The following CAPRIN1 variants were observed in gnomAD, a reference collection of about 807,000 sequenced individuals.
The protein encoded by CAPRIN1 is cell cycle associated protein 1, also known as caprin-1.
A neutral mutation model predicts 100.9 loss-of-function variants in CAPRIN1; 29 were observed. The observed-to-expected ratio is 0.29, with a 90% CI of 0.21 to 0.39. CAPRIN1 has a LOEUF of 0.39. Among genes scored for constraint, CAPRIN1 ranks in the 10% least tolerant of loss-of-function variants. The probability of loss-of-function intolerance (pLI) is 1.00; values close to 1 mark genes in which losing one functional copy is unlikely to be tolerated. For missense variants in CAPRIN1, 795 were observed against 876.7 expected, an observed-to-expected ratio of 0.91 and a Z score of 1.18; for synonymous variants, 338 against 307.5, an observed-to-expected ratio of 1.10 and a Z score of -1.04.
intron 2 of CAPRIN1, among the ~76,000 whole-genome samples, chr11:34,055,012 G>T (rs898602037): frequency 6.6e-6 from 1 of 151,950 alleles, no homozygotes; most frequent in Non-Finnish European, 1.5e-5. Context: ...TTAGAATCTA[G>T]TGTTCAAGTA....
At chr11:34,061,933 AC>A (rs1434572138) in intron 2 of CAPRIN1, among the ~76,000 whole-genome samples, 1 of 147,364 alleles carries the variant, frequency 6.8e-6, no homozygotes, top group Non-Finnish European at 1.5e-5. Flanking sequence ...TCGCACCACT[AC>A]ACTCCAGCAT....
intron 7 of CAPRIN1, among the ~76,000 whole-genome samples, chr11:34,081,978 A>AT (rs1485315573): frequency 6.8e-6 from 1 of 146,736 alleles, no homozygotes. Context: ...TGTCTGGCTA[A>AT]TTTTTGTATT....
At chr11:34,096,193 C>T (rs766496751) in intron 15 of CAPRIN1, 16 of 233,792 alleles carry the variant, frequency 6.8e-5, no homozygotes, top group South Asian at 1.1e-4. Flanking sequence ...TTTCAGAAGA[C>T]GTTAATATAG....
rs751461312 is a variant in CAPRIN1 at position 34,065,866 on chromosome 11, CAG to C, written c.217-5859_217-5858del. On this transcript the variant is annotated intron_variant, in intron 2 of 18. Coordinates refer to ENST00000341394, the MANE Select transcript of CAPRIN1 (RefSeq NM_005898.5). ...TGCTTTCCTGAAGCTTAGGCAAGGA[CAG>C]GGGATAGGATATTTATAATAGTAGT... Among the ~76,000 whole-genome samples the C allele has an allele frequency of 1.5e-3, 229 of 152,254 alleles. 1 individual carries two copies. The highest frequency in any genetic ancestry group is 3.0e-3 in the Non-Finnish European group (204 of 68,026).
At chr11:34,068,171 A>G (rs1850736717) in intron 2 of CAPRIN1, among the ~76,000 whole-genome samples, 1 of 152,218 alleles carries the variant, frequency 6.6e-6, no homozygotes, top group Non-Finnish European at 1.5e-5. Context: ...CAGAAGCAAG[A>G]GGCCTTTCTT....
Position 34,100,798 on chromosome 11 carries a change from T to G in CAPRIN1, c.*1431T>G, listed in dbSNP as rs1851442880. On this transcript the variant is annotated 3_prime_UTR_variant, in exon 19 of 19. Coordinates refer to ENST00000341394, the MANE Select transcript of CAPRIN1 (RefSeq NM_005898.5). ...CTCTGTTGGAATTTGTGCTAGCAGT[T>G]TGAGCACTAGTTCTGTGTGCCTAGG... 1 of 152,646 alleles carries G rather than the reference T, an allele frequency of 6.6e-6. No homozygotes were observed. The highest frequency in any genetic ancestry group is 2.1e-4 in the South Asian group (1 of 4,834). The allele number at this position is 152,646 out of a possible 1,614,324, so 9.5% of individuals were successfully genotyped here. A position where few individuals can be genotyped will look rare whatever the true frequency, so the allele number is the denominator to read the frequency against.
chr11:34,093,501 G>A (rs773506596), intron 15 of CAPRIN1, among the ~76,000 whole-genome samples: 2 of 152,080 alleles, frequency 1.3e-5, no homozygotes, highest in African/African-American at 2.4e-5. Context: ...TTGTCAGCCC[G>A]ATTTTGAAAA....
At chr11:34,091,010 C>T (rs1388077495) in intron 14 of CAPRIN1, among the ~76,000 whole-genome samples, 1 of 151,982 alleles carries the variant, frequency 6.6e-6, no homozygotes, top group Non-Finnish European at 1.5e-5. Context: ...AATAGTTGCC[C>T]TGTTTGCTTA....
Position 34,100,106 on chromosome 11 carries a change from C to G in CAPRIN1, c.*739C>G, listed in dbSNP as rs1191472140. 1 of 152,590 alleles carries G rather than the reference C, an allele frequency of 6.6e-6. No homozygotes were observed. The highest frequency in any genetic ancestry group is 1.5e-5 in the Non-Finnish European group (1 of 68,032). 9.5% of individuals were successfully genotyped at this position (152,590 alleles called of 1,614,324 possible). A position where few individuals can be genotyped will look rare whatever the true frequency, so the allele number is the denominator to read the frequency against. On this transcript the variant is annotated 3_prime_UTR_variant, in exon 19 of 19. Coordinates refer to ENST00000341394, the MANE Select transcript of CAPRIN1 (RefSeq NM_005898.5). ...TGTAATCCGGATGGCCGCTTCTGTA[C>G]TTAATGTGAAATATTTAGATACCTT...
intron 4 of CAPRIN1, among the ~76,000 whole-genome samples, chr11:34,073,480 G>T (rs1313456426): frequency 6.6e-6 from 1 of 152,184 alleles, no homozygotes; most frequent in East Asian, 1.9e-4. Flanking sequence ...TTTTGAGACA[G>T]AGTCTTGCTC....
rs894345177 is a variant in CAPRIN1, at chr11:34,053,084, G to T, written c.216+448G>T. Reference sequence around the variant, plus strand: ...GCCTCGTGGAGTTGGGGCGGCCTGCGTCCTGCAGCCTTGGGGTCTGTCCGC... The same window carrying T: ...GCCTCGTGGAGTTGGGGCGGCCTGCTTCCTGCAGCCTTGGGGTCTGTCCGC... On this transcript the variant is annotated intron_variant, in intron 2 of 18. Coordinates refer to ENST00000341394, the MANE Select transcript of CAPRIN1 (RefSeq NM_005898.5). 4 of 1,025,104 alleles carry T rather than the reference G, an allele frequency of 3.9e-6. No individual in the cohort carries two copies. The African/African-American group carries it at 7.0e-5, about 18-fold the overall frequency. 63.5% of individuals were successfully genotyped at this position (1,025,104 alleles called of 1,614,324 possible).
At chr11:34,061,433 C>T (rs745808420) in intron 2 of CAPRIN1, among the ~76,000 whole-genome samples, 1 of 151,888 alleles carries the variant, frequency 6.6e-6, no homozygotes, top group South Asian at 2.1e-4. Flanking sequence ...GTCTCAAACT[C>T]CTGACCTCAG....
chr11:34,071,852 C>T (rs762916537), intron 3 of CAPRIN1, 49 bp from the exon 4 acceptor site: 1 of 1,582,676 alleles, frequency 6.3e-7, no homozygotes, highest in Admixed American at 1.7e-5. Flanking sequence ...AAAATTAATT[C>T]TGTGGTTTTT....
intron 2 of CAPRIN1, among the ~76,000 whole-genome samples, chr11:34,062,534 A>C (rs1850602598): frequency 6.6e-6 from 1 of 150,824 alleles, no homozygotes; most frequent in African/African-American, 2.4e-5. Flanking sequence ...CTGAGGCAGG[A>C]GAATGGCGTG....
At chr11:34,097,170 ATTTC>A (rs1245229440) in intron 16 of CAPRIN1, 22 bp from the exon 17 acceptor site, 4 of 1,487,532 alleles carry the variant, frequency 2.7e-6, no homozygotes, top group African/African-American at 2.8e-5. Flanking sequence ...TAAGAAAATT[ATTTC>A]TTTTCTTGTC....
chr11:34,055,125 T>G (rs139086450), intron 2 of CAPRIN1, among the ~76,000 whole-genome samples: 1 of 152,194 alleles, frequency 6.6e-6, no homozygotes, highest in South Asian at 2.1e-4. Flanking sequence ...TACTATACTC[T>G]GTCATACCCT....
intron 2 of CAPRIN1, among the ~76,000 whole-genome samples, chr11:34,054,842 TTAA>T (rs1272807349): frequency 2.6e-5 from 4 of 152,224 alleles, no homozygotes; most frequent in Admixed American, 6.5e-5. Context: ...ACATAAAATA[TTAA>T]TGATTGTGAA....
At position 34,096,494 on chromosome 11, in the gene CAPRIN1, A is replaced by G; in HGVS notation, c.1721A>G (p.His574Arg). 1 of 1,613,804 alleles carries G rather than the reference A, an allele frequency of 6.2e-7. No individual in the cohort carries two copies. The highest frequency in any genetic ancestry group is 8.5e-7 in the Non-Finnish European group (1 of 1,179,808). ...TAAATTATAGTGGTTGGCACTTACC[A>G]TGGTTCCCCAGACCAGTCCCATCAA... Reference protein sequence around the residue: ...EQLQTVVGTYHGSPDQSHQVT... With the variant: ...EQLQTVVGTYRGSPDQSHQVT... The change falls in exon 16 of 19, where the codon CAT (histidine) becomes CGT (arginine). Residue 574 changes from histidine (H) to arginine (R), a missense_variant. Physicochemically the swap from His to Arg is conservative, Grantham distance 29. Transcript: ENST00000341394.
chr11:34,098,464 A>G, intron 18 of CAPRIN1: 2 of 984,742 alleles, frequency 2.0e-6, no homozygotes, highest in Non-Finnish European at 2.4e-6. Context: ...CATTTCATGT[A>G]GTCTGAAATT....
Sources: gnomAD v4.1 joint callset for allele counts (sites outside exome capture counted in the v4.1 genomes callset) on GRCh38, gnomAD v4.1.1 for gene constraint, MANE v1.5 for transcripts, NCBI Gene and HGNC (gene_info 2026-07-23, HGNC 2026-07-21) for gene names.